Variants in PAFAH2 observed in about 807,000 individuals in gnomAD.
The protein encoded by PAFAH2 is platelet-activating factor acetylhydrolase 2, cytoplasmic.
Under a neutral mutation model 49.0 loss-of-function variants are expected in PAFAH2, and 42 were observed. That is an observed-to-expected ratio of 0.86 (90% CI 0.67 to 1.11). The LOEUF (loss-of-function observed/expected upper bound fraction) is 1.11. Among genes scored for constraint, PAFAH2 ranks in the 50% least tolerant of loss-of-function variants. PAFAH2 has a pLI of 0.00. For missense variants in PAFAH2, 503 were observed against 501.8 expected (o/e 1.00, Z -0.02); for synonymous variants, 184 against 181.3 (o/e 1.01, Z -0.12).
chr1:25,961,748 C>T lies in PAFAH2; in HGVS notation c.*241G>A, dbSNP rs2049341137. 2 of 418,280 alleles carry T rather than the reference C, an allele frequency of 4.8e-6. No individual in the cohort carries two copies. Among genetic ancestry groups the T allele is most frequent in the African/African-American group, 4.1e-5 (2 of 49,060 alleles). The allele number at this position is 418,280 out of a possible 1,614,324, so 25.9% of individuals were successfully genotyped here. On this transcript the variant is annotated 3_prime_UTR_variant, in exon 11 of 11. Transcript: ENST00000374282. ...CCAGTCCCACTCTACTGCTTGTTCC[C>T]CACTCCATCAAGGTCCCAGAAAGTC...
Position 25,984,398 on chromosome 1 carries a change from A to G in PAFAH2, c.410+62T>C, listed in dbSNP as rs1043327679. 6 of 1,203,848 alleles carry G rather than the reference A, an allele frequency of 5.0e-6. No homozygotes were observed. The African/African-American group carries it at 9.0e-5, about 18-fold the overall frequency. The allele number at this position is 1,203,848 out of a possible 1,614,324, so 74.6% of individuals were successfully genotyped here. ...AGAGGGTTAGAAATAGTACATTGATAGGGGACTAGCCTATATCCTAGCTCA... is the reference window on the plus strand; with the variant it reads ...AGAGGGTTAGAAATAGTACATTGATGGGGGACTAGCCTATATCCTAGCTCA... On this transcript the variant is annotated intron_variant, in intron 5 of 10. Transcript: ENST00000374282.
At chr1:25,969,690 C>T (rs1344521858) in intron 10 of PAFAH2, among the ~76,000 whole-genome samples, 2 of 152,170 alleles carry the variant, frequency 1.3e-5, no homozygotes, top group Non-Finnish European at 2.9e-5. Flanking sequence ...AGTCTAAGTG[C>T]CTCCTACCTC....
chr1:25,992,784 G>A (rs368137785), intron 1 of PAFAH2, among the ~76,000 whole-genome samples: 9 of 152,284 alleles, frequency 5.9e-5, no homozygotes, highest in East Asian at 1.9e-4. Context: ...CTTAACCTCC[G>A]GAGTTGAGCC....
Position 25,960,748 on chromosome 1 carries a change from G to T in PAFAH2, c.*1241C>A, listed in dbSNP as rs1317218790. ...AGAAAAAATGACCAAGGTACTCCTA[G>T]GCCTCTCTGGGAGTGGCCTTCTGCG... is the stretch of plus-strand genomic sequence containing the variant. On this transcript the variant is annotated 3_prime_UTR_variant, in exon 11 of 11. Transcript: ENST00000374282. 1 of 152,150 alleles carries T rather than the reference G, an allele frequency of 6.6e-6. No individual in the cohort carries two copies. The highest frequency in any genetic ancestry group is 2.4e-5 in the African/African-American group (1 of 41,328). The allele number at this position is 152,150 out of a possible 1,614,324, so 9.4% of individuals were successfully genotyped here.
chr1:25,963,075 G>A (rs1407152888), intron 10 of PAFAH2, among the ~76,000 whole-genome samples: 1 of 152,156 alleles, frequency 6.6e-6, no homozygotes, highest in Non-Finnish European at 1.5e-5. Flanking sequence ...CAAGCCCTCA[G>A]GCTGAGGGAG....
chr1:25,976,489 T>A (rs539671831), intron 8 of PAFAH2, among the ~76,000 whole-genome samples, 193 bp downstream of exon 8: 1 of 152,160 alleles, frequency 6.6e-6, no homozygotes, highest in Non-Finnish European at 1.5e-5. Flanking sequence ...TTATTATCGG[T>A]TGGCTTTTTC....
intron 1 of PAFAH2, among the ~76,000 whole-genome samples, chr1:25,994,491 G>C (rs562921824): frequency 6.6e-6 from 1 of 152,040 alleles, no homozygotes; most frequent in Non-Finnish European, 1.5e-5. Context: ...TTCCCCATCT[G>C]TACAATGGGA....
At chr1:25,981,871 AT>A (rs1210492079) in intron 7 of PAFAH2, among the ~76,000 whole-genome samples, 3 of 152,084 alleles carry the variant, frequency 2.0e-5, no homozygotes, top group Admixed American at 2.0e-4. Flanking sequence ...AAATACAAAA[AT>A]TAGCCAGGCA....
In PAFAH2 at chr1:25,988,339, A is replaced by G. The variant is rs1470771299; in HGVS notation, c.245-12T>C. ...CAGGCGACAAGATCCTAGCAGAGAC[A>G]TGGGCTATAGAATATCTGGCTGCCC... is the stretch of plus-strand genomic sequence containing the variant. On this transcript the variant is annotated splice_polypyrimidine_tract_variant and intron_variant, in intron 3 of 10. Coordinates refer to ENST00000374282, the MANE Select transcript of PAFAH2 (RefSeq NM_000437.4). The G allele has an allele frequency of 6.2e-7, 1 of 1,601,862 alleles. No homozygotes were observed. The highest frequency in any genetic ancestry group is 1.7e-5 in the Admixed American group (1 of 59,550).
chr1:25,965,396 G>A (rs1477903863), intron 10 of PAFAH2, among the ~76,000 whole-genome samples: 1 of 152,132 alleles, frequency 6.6e-6, no homozygotes, highest in African/African-American at 2.4e-5. Flanking sequence ...ACAGACAAAT[G>A]AGACTGAATT....
intron 4 of PAFAH2, among the ~76,000 whole-genome samples, chr1:25,984,738 G>A (rs1161910602): frequency 6.6e-6 from 1 of 151,728 alleles, no homozygotes; most frequent in Non-Finnish European, 1.5e-5. Context: ...AATACAACTT[G>A]CCCAATTTCC....
chr1:25,966,989 G>C (rs1183378690), intron 10 of PAFAH2, among the ~76,000 whole-genome samples: 1 of 138,736 alleles, frequency 7.2e-6, no homozygotes, highest in South Asian at 2.5e-4. Context: ...CCGAGATCGC[G>C]CCACTGCACT....
intron 8 of PAFAH2, among the ~76,000 whole-genome samples, chr1:25,975,625 C>A (rs969632589): frequency 4.6e-5 from 7 of 151,980 alleles, no homozygotes; most frequent in Non-Finnish European, 7.4e-5. Flanking sequence ...TTTCCTTCAC[C>A]TCCCACATGA....
At chr1:25,972,475 C>G in intron 10 of PAFAH2, 83 bp downstream of exon 10, 1 of 1,440,320 alleles carries the variant, frequency 6.9e-7, no homozygotes, top group Non-Finnish European at 9.5e-7. Flanking sequence ...TCCCAGATCC[C>G]AGACATGTCA....
At chr1:25,979,277 TTAAC>T (rs987352857) in intron 7 of PAFAH2, among the ~76,000 whole-genome samples, 1 of 152,138 alleles carries the variant, frequency 6.6e-6, no homozygotes, top group African/African-American at 2.4e-5. Context: ...GGCTGCCCTC[TTAAC>T]TAATCTAACT....
chr1:25,974,388 G>A (rs1414555534), intron 9 of PAFAH2, 92 bp downstream of exon 9: 1 of 1,065,158 alleles, frequency 9.4e-7, no homozygotes, highest in Non-Finnish European at 1.3e-6. Context: ...CTACTAATGG[G>A]TAGAAAGTTT....
intron 9 of PAFAH2, 30 bp from the exon 10 acceptor site, chr1:25,972,742 G>A: frequency 6.2e-7 from 1 of 1,613,532 alleles, no homozygotes; most frequent in Non-Finnish European, 8.5e-7. Context: ...ACTGGCAGGG[G>A]TCTGGCGGCT....
chr1:25,967,361 A>G (rs1328801690), intron 10 of PAFAH2, among the ~76,000 whole-genome samples: 1 of 152,226 alleles, frequency 6.6e-6, no homozygotes, highest in Non-Finnish European at 1.5e-5. Context: ...ATGACTAAGT[A>G]GAGTTGGGGA....
At chr1:25,996,971 C>A (rs983635926) in intron 1 of PAFAH2, among the ~76,000 whole-genome samples, 19 of 152,226 alleles carry the variant, frequency 1.2e-4, no homozygotes, top group Non-Finnish European at 4.4e-5. Flanking sequence ...GCCTCAGACA[C>A]CCCTACCAAA....
Sources: allele counts gnomAD v4.1 joint callset (sites outside exome capture counted in the v4.1 genomes callset), GRCh38; gene constraint gnomAD v4.1.1; transcripts MANE v1.5; gene names NCBI Gene and HGNC (gene_info 2026-07-23, HGNC 2026-07-21).